ANKRD31: variants seen among roughly 807,000 people sequenced by gnomAD.
The protein encoded by ANKRD31 is ankyrin repeat domain-containing protein 31.
ANKRD31 carries 147 observed loss-of-function variants against 186.0 expected under a neutral mutation model. The observed-to-expected ratio is 0.79, with a 90% CI of 0.69 to 0.91. The LOEUF is 0.91. Among genes scored for constraint, ANKRD31 ranks in the 40% least tolerant of loss-of-function variants. The probability of loss-of-function intolerance (pLI) is 0.00; values close to 1 mark genes in which losing one functional copy is unlikely to be tolerated. For missense variants in ANKRD31, 1,986 were observed against 2,148.8 expected, an observed-to-expected ratio of 0.92 and a Z score of 1.50; for synonymous variants, 673 against 736.4, an observed-to-expected ratio of 0.91 and a Z score of 1.39.
intron 25 of ANKRD31, among the ~76,000 whole-genome samples, chr5:75,069,526 GT>G (rs1561387410): frequency 6.6e-6 from 1 of 151,864 alleles, no homozygotes; most frequent in African/African-American, 2.4e-5. Context: ...CATGTAATGA[GT>G]TTTTTGTTTT....
intron 17 of ANKRD31, among the ~76,000 whole-genome samples, chr5:75,137,329 C>T (rs1750668002): frequency 6.6e-6 from 1 of 151,898 alleles, no homozygotes; most frequent in South Asian, 2.1e-4. Flanking sequence ...ATCTTAAGGT[C>T]GAGATTTGAA....
At chr5:75,208,316 C>T (rs1756384559) in intron 4 of ANKRD31, among the ~76,000 whole-genome samples, 1 of 151,958 alleles carries the variant, frequency 6.6e-6, no homozygotes, top group Admixed American at 6.6e-5. Flanking sequence ...AATAATACCC[C>T]AAAATACGAC....
At chr5:75,204,441 T>C (rs1455038229) in intron 5 of ANKRD31, among the ~76,000 whole-genome samples, 1 of 152,248 alleles carries the variant, frequency 6.6e-6, no homozygotes, top group Admixed American at 6.5e-5. Flanking sequence ...TTTTGTAATC[T>C]AATGTTTTGT....
chr5:75,125,607 G>A (rs1195966976), intron 17 of ANKRD31, among the ~76,000 whole-genome samples: 1 of 152,154 alleles, frequency 6.6e-6, no homozygotes, highest in African/African-American at 2.4e-5. Context: ...CTGCCAATGT[G>A]TTAAGATGAG....
Position 75,139,000 on chromosome 5 carries a change from CAA to C in ANKRD31, c.3596-19_3596-18del, listed in dbSNP as rs1750816019. 9 of 1,534,932 alleles carry C rather than the reference CAA, an allele frequency of 5.9e-6. No homozygotes were observed. Among genetic ancestry groups the C allele is most frequent in the Non-Finnish European group, 7.0e-6 (8 of 1,145,846 alleles). ...CTTTCATTCCTGTAAATTTGCCAAA[CAA>C]GAGGTTTATTTTCTGCCAAATGCTG... On this transcript the variant is annotated intron_variant, in intron 15 of 25. Coordinates refer to ENST00000506364, the MANE Select transcript of ANKRD31 (RefSeq NM_001372053.1).
At position 75,146,524 on chromosome 5, in the gene ANKRD31, GGCT is replaced by G. The variant is rs1751450513; in HGVS notation, c.2884_2886del (p.Ser962del). The G allele has an allele frequency of 6.5e-7, 1 of 1,536,370 alleles. No individual in the cohort carries two copies. Among genetic ancestry groups the G allele is most frequent in the South Asian group, 1.2e-5 (1 of 84,036 alleles). On this transcript the variant is annotated inframe_deletion, in exon 14 of 26. Transcript: ENST00000506364. ...GCTTCCTGTTCTGGAAGTGTGGTTA[GGCT>G]GACTGCTTTTAACTCATTTTCCTGT...
intron 3 of ANKRD31, among the ~76,000 whole-genome samples, chr5:75,211,675 T>A (rs1158394145): frequency 2.0e-5 from 3 of 152,322 alleles, no homozygotes; most frequent in South Asian, 2.1e-4. Flanking sequence ...GTATTTTTTT[T>A]AAATAATAGT....
intron 7 of ANKRD31, among the ~76,000 whole-genome samples, 167 bp from the exon 8 acceptor site, chr5:75,193,758 A>G (rs924627976): frequency 6.6e-6 from 1 of 152,186 alleles, no homozygotes; most frequent in Admixed American, 6.6e-5. Context: ...ATTTAATAAT[A>G]ATTAATGTAA....
At chr5:75,113,181 C>A (rs1747921315) in intron 19 of ANKRD31, among the ~76,000 whole-genome samples, 1 of 152,132 alleles carries the variant, frequency 6.6e-6, no homozygotes, top group Admixed American at 6.5e-5. Context: ...ACCAGACTTT[C>A]AGGGTGTAAA....
intron 22 of ANKRD31, among the ~76,000 whole-genome samples, chr5:75,092,937 A>G (rs1746033564): frequency 1.3e-5 from 2 of 152,194 alleles, no homozygotes; most frequent in Non-Finnish European, 2.9e-5. Context: ...ACCAAATAGA[A>G]GTTATGGAGT....
rs368511200 is a variant in ANKRD31 at position 75,168,978 on chromosome 5, C to A, written c.1707+1G>T. On this transcript the variant is annotated splice_donor_variant, in intron 11 of 25. Coordinates refer to ENST00000506364, the MANE Select transcript of ANKRD31 (RefSeq NM_001372053.1). LOFTEE classifies it high-confidence loss of function. ...TTCTGCAAATAAAAGCATCACAGTA[C>A]CTTATAATGTCCATTCATCACTGCA... 6.5e-7 allele frequency: 1 copy of A among 1,534,286 alleles called. No homozygotes were observed. The highest frequency in any genetic ancestry group is 8.7e-7 in the Non-Finnish European group (1 of 1,145,024).
intron 17 of ANKRD31, among the ~76,000 whole-genome samples, chr5:75,131,231 T>G (rs1749786550): frequency 6.6e-6 from 1 of 152,078 alleles, no homozygotes; most frequent in Non-Finnish European, 1.5e-5. Flanking sequence ...GCCCCCACAG[T>G]GCAACGGCAG....
At chr5:75,155,907 G>A (rs1201385198) in intron 11 of ANKRD31, among the ~76,000 whole-genome samples, 1 of 119,858 alleles carries the variant, frequency 8.3e-6, no homozygotes, top group African/African-American at 4.6e-5. Flanking sequence ...TTTACATTAT[G>A]TCAGCCTTTT....
At chr5:75,114,194 C>G (rs575553127) in intron 19 of ANKRD31, among the ~76,000 whole-genome samples, 1 of 152,080 alleles carries the variant, frequency 6.6e-6, no homozygotes. Context: ...TACTATAAAC[C>G]ATATGGGATC....
At chr5:75,230,105 A>G (rs1280718798) in intron 2 of ANKRD31, among the ~76,000 whole-genome samples, 2 of 151,782 alleles carry the variant, frequency 1.3e-5, no homozygotes, top group African/African-American at 4.8e-5. Flanking sequence ...ACGTTCTTCA[A>G]TGGACTGGCC....
intron 4 of ANKRD31, among the ~76,000 whole-genome samples, chr5:75,206,716 G>C (rs866342977): frequency 1.3e-4 from 20 of 152,088 alleles, no homozygotes; most frequent in African/African-American, 4.6e-4. Context: ...ATGACCTGAG[G>C]AGTGTATACA....
At chr5:75,118,043 C>G (rs1027513305) in intron 18 of ANKRD31, 92 bp downstream of exon 18, 1 of 988,182 alleles carries the variant, frequency 1.0e-6, no homozygotes, top group African/African-American at 1.7e-5. Context: ...ACATCTATCC[C>G]AGTTATGAAA....
At chr5:75,167,339 G>A (rs1190012238) in intron 11 of ANKRD31, among the ~76,000 whole-genome samples, 1 of 152,198 alleles carries the variant, frequency 6.6e-6, no homozygotes, top group African/African-American at 2.4e-5. Flanking sequence ...CCAGCATTGG[G>A]TTCCCAAGGC....
In ANKRD31 at chr5:75,163,367, C is replaced by T. The variant is rs139080745; in HGVS notation, c.1707+5612G>A. Among the ~76,000 whole-genome samples, 50 of 152,230 alleles carry T rather than the reference C, an allele frequency of 3.3e-4. No individual in the cohort carries two copies. The East Asian group carries it at 7.9e-3, about 24-fold the overall frequency. The stretch of plus-strand genomic sequence containing the variant: ...TAGGTCTTGGCCCCATGTGGGGCAA[C>T]GTGGGGAACCTGGTGTTGGTGTGTC... On this transcript the variant is annotated intron_variant, in intron 11 of 25. Transcript: ENST00000506364.
Sources: gnomAD v4.1 joint callset for allele counts (sites outside exome capture counted in the v4.1 genomes callset) on GRCh38, gnomAD v4.1.1 for gene constraint, MANE v1.5 for transcripts, NCBI Gene and HGNC (gene_info 2026-07-23, HGNC 2026-07-21) for gene names.